SOS2: variants seen among roughly 807,000 people sequenced by gnomAD.
SOS2 encodes son of sevenless homolog 2.
Under a neutral mutation model 148.2 loss-of-function variants are expected in SOS2, and 65 were observed. The observed-to-expected ratio is 0.44, with a 90% CI of 0.36 to 0.54. The LOEUF is 0.54. Ranked by LOEUF, SOS2 falls within the 20% of genes least tolerant of loss-of-function variation. SOS2 has a pLI of 0.00. For missense variants in SOS2, 1,341 were observed against 1,590.2 expected, an observed-to-expected ratio of 0.84 and a Z score of 2.67; for synonymous variants, 539 against 537.1, an observed-to-expected ratio of 1.00 and a Z score of -0.05.
chr14:50,153,012 A>G (rs538303826), intron 13 of SOS2, 58 bp downstream of exon 13: 5 of 816,842 alleles, frequency 6.1e-6, no homozygotes, highest in Non-Finnish European at 9.9e-6. Context: ...AAGTCACACA[A>G]ATTTGAACAT....
At chr14:50,229,082 A>G (rs1017296822) in intron 1 of SOS2, among the ~76,000 whole-genome samples, 4 of 152,190 alleles carry the variant, frequency 2.6e-5, no homozygotes, top group Admixed American at 2.0e-4. Context: ...TGGCTGATGC[A>G]TACCAGAATT....
At chr14:50,157,723 A>T (rs933203554) in intron 11 of SOS2, among the ~76,000 whole-genome samples, 1 of 152,192 alleles carries the variant, frequency 6.6e-6, no homozygotes, top group Non-Finnish European at 1.5e-5. Flanking sequence ...AGTGATAGAG[A>T]TCTAGAATTA....
rs886268693 is a variant in SOS2 at position 50,159,908 on chromosome 14, T to C, written c.1375A>G (p.Ile459Val). The change falls in exon 10 of 23, where the codon ATT (isoleucine) becomes GTT (valine). Residue 459 changes from isoleucine to valine, a missense_variant. Ile to Val is a conservative substitution (Grantham distance 29). This residue lies in a region of SOS2 where 574 missense variants were observed against 711.1 expected (regional missense o/e 0.81). Transcript: ENST00000216373. ...TRIGAKHERH[I>V]FLFDGLMISC... The stretch of plus-strand genomic sequence containing the variant: ...ATCATTAAGCCATCAAACAGAAAAA[T>C]ATGCCGTTCATGTTTGGCACCGATT... 2 of 1,614,110 alleles carry C rather than the reference T, an allele frequency of 1.2e-6. No homozygotes were observed. The highest frequency in any genetic ancestry group is 1.7e-6 in the Non-Finnish European group (2 of 1,180,018).
chr14:50,160,795 T>C (rs964112097), intron 9 of SOS2, among the ~76,000 whole-genome samples: 1 of 151,026 alleles, frequency 6.6e-6, no homozygotes, highest in African/African-American at 2.4e-5. Context: ...AGCCCAGGAG[T>C]TCAAGACCAG....
chr14:50,209,211 T>C (rs1050716606), intron 1 of SOS2, among the ~76,000 whole-genome samples: 1 of 151,582 alleles, frequency 6.6e-6, no homozygotes, highest in African/African-American at 2.4e-5. Context: ...GTCTGCAGCT[T>C]GACAAATGCA....
intron 5 of SOS2, among the ~76,000 whole-genome samples, chr14:50,185,751 G>A (rs943646933): frequency 1.3e-5 from 2 of 151,170 alleles, no homozygotes; most frequent in Admixed American, 6.6e-5. Context: ...CAACATGCCA[G>A]ATGAATGACC....
At chr14:50,146,404 G>A (rs1884473399) in intron 14 of SOS2, among the ~76,000 whole-genome samples, 1 of 152,180 alleles carries the variant, frequency 6.6e-6, no homozygotes, top group African/African-American at 2.4e-5. Context: ...AGCACTTTGG[G>A]AGGCTGAGGC....
In SOS2 at chr14:50,180,513, G is replaced by A. The variant is rs1885696348; in HGVS notation, c.969+59C>T. The A allele has an allele frequency of 4.1e-5, 28 of 683,470 alleles. 2 individuals carry two copies. In the South Asian group the frequency reaches 4.9e-4, roughly 12 times the overall value. The allele number at this position is 683,470 out of a possible 1,614,324, so 42.3% of individuals were successfully genotyped here. The stretch of plus-strand genomic sequence containing the variant: ...ACAAATATTTGAAGGATAAAATAGT[G>A]AGATATTTATTTGCTTTATTAAAAA... On this transcript the variant is annotated intron_variant, in intron 7 of 22. Coordinates refer to ENST00000216373, the MANE Select transcript of SOS2 (RefSeq NM_006939.4).
intron 5 of SOS2, among the ~76,000 whole-genome samples, chr14:50,187,912 C>G (rs191636306): frequency 1.3e-5 from 2 of 152,116 alleles, no homozygotes; most frequent in Admixed American, 6.5e-5. Flanking sequence ...GACCATACAT[C>G]TTTTTCACCA....
chr14:50,191,336 G>A lies in SOS2; in HGVS notation c.511-2636C>T, dbSNP rs145490654. On this transcript the variant is annotated intron_variant, in intron 4 of 22. Coordinates refer to ENST00000216373, the MANE Select transcript of SOS2 (RefSeq NM_006939.4). ...AAAAAAATAATAACCAGGTATGCTGGTAGACACCTGCGGTCCTAACTACTC... is the reference window on the plus strand; with the variant it reads ...AAAAAAATAATAACCAGGTATGCTGATAGACACCTGCGGTCCTAACTACTC... Among the ~76,000 whole-genome samples the A allele has an allele frequency of 4.2e-3, 635 of 152,198 alleles. 2 individuals are homozygous for A. The highest frequency in any genetic ancestry group is 0.014 in the African/African-American group (583 of 41,508).
Position 50,118,183 on chromosome 14 carries a change from T to C in SOS2, c.*161A>G, listed in dbSNP as rs1883354759. The C allele has an allele frequency of 4.6e-6, 3 of 655,612 alleles. No individual in the cohort carries two copies. The highest frequency in any genetic ancestry group is 1.8e-5 in the African/African-American group (1 of 54,858). 40.6% of individuals were successfully genotyped at this position (655,612 alleles called of 1,614,324 possible). On this transcript the variant is annotated 3_prime_UTR_variant, in exon 23 of 23. Coordinates refer to ENST00000216373, the MANE Select transcript of SOS2 (RefSeq NM_006939.4). ...TGAGGATAATGGTGAAGGACTTTTG[T>C]ATTTTTATTTTTCCAATTCTTAAAA...
chr14:50,179,797 A>T (rs1566840229), intron 7 of SOS2, among the ~76,000 whole-genome samples: 1 of 152,114 alleles, frequency 6.6e-6, no homozygotes, highest in Non-Finnish European at 1.5e-5. Flanking sequence ...TTTTCATTTT[A>T]TCTAAGTGTA....
intron 5 of SOS2, among the ~76,000 whole-genome samples, chr14:50,187,345 CTTT>C (rs5808541): frequency 8.7e-6 from 1 of 115,158 alleles, no homozygotes; most frequent in Non-Finnish European, 1.8e-5. Flanking sequence ...ATTATTGTTA[CTTT>C]TTTTTTTTTT....
chr14:50,201,019 A>T lies in SOS2; in HGVS notation c.279T>A (p.Ala93=). The change falls in exon 3 of 23, where the codon GCT becomes GCA. Residue 93 remains alanine, a synonymous_variant. Coordinates refer to ENST00000216373, the MANE Select transcript of SOS2 (RefSeq NM_006939.4). ...DKWAIADAQS[A]IEKRKRRNPL... The stretch of plus-strand genomic sequence containing the variant: ...GATTTCTTCGTTTTCGTTTTTCTAT[A>T]GCAGATTGTGCATCAGCAATGGCCC... 1 of 1,613,952 alleles carries T rather than the reference A, an allele frequency of 6.2e-7. No individual in the cohort carries two copies. The highest frequency in any genetic ancestry group is 8.5e-7 in the Non-Finnish European group (1 of 1,179,870).
chr14:50,227,338 A>G (rs566440375), intron 1 of SOS2, among the ~76,000 whole-genome samples: 7 of 138,036 alleles, frequency 5.1e-5, no homozygotes, highest in Admixed American at 8.0e-5. Flanking sequence ...TCTGCCTCCC[A>G]TGTTCAAGAG....
intron 1 of SOS2, among the ~76,000 whole-genome samples, chr14:50,217,829 G>A (rs1333797184): frequency 1.3e-5 from 2 of 152,006 alleles, no homozygotes; most frequent in Admixed American, 6.6e-5. Context: ...GGTGGCGGGC[G>A]CCTGTAGTCC....
intron 14 of SOS2, among the ~76,000 whole-genome samples, chr14:50,148,994 C>A (rs1363729635): frequency 6.6e-6 from 1 of 152,164 alleles, no homozygotes; most frequent in East Asian, 1.9e-4. Flanking sequence ...CTTAAGTGAC[C>A]TTCCCACCTC....
At position 50,150,111 on chromosome 14, in the gene SOS2, A is replaced by G. The variant is rs745497052; in HGVS notation, c.2281T>C (p.Trp761Arg). The change falls in exon 14 of 23, where the codon TGG becomes CGG. Residue 761 changes from tryptophan (W) to arginine (R), a missense_variant. Trp to Arg is a moderately radical substitution (Grantham distance 101). Around this residue, in one of 4 missense-constraint regions of SOS2, gnomAD observed 408 missense variants for 506.6 expected, o/e 0.81. Coordinates refer to ENST00000216373, the MANE Select transcript of SOS2 (RefSeq NM_006939.4). ...AACTGTCCTGGTTTGCTGATATGCC[A>G]TTCAATTGGTGGAGGTGGACTTTCA... is the stretch of plus-strand genomic sequence containing the variant. ...TFESPPPPIE[W>R]HISKPGQFET... 2 of 1,613,720 alleles carry G rather than the reference A, an allele frequency of 1.2e-6. No individual in the cohort carries two copies. Among genetic ancestry groups the G allele is most frequent in the East Asian group, 4.5e-5 (2 of 44,870 alleles).
chr14:50,192,791 G>T (rs1451020195), intron 4 of SOS2, among the ~76,000 whole-genome samples: 6 of 152,116 alleles, frequency 3.9e-5, no homozygotes. Flanking sequence ...TTGAACCCAG[G>T]AGGCAGAGGT....
Sources: allele counts gnomAD v4.1 joint callset (sites outside exome capture counted in the v4.1 genomes callset), GRCh38; gene constraint gnomAD v4.1.1; regional missense constraint gnomAD v4.1.1; transcripts MANE v1.5; gene names NCBI Gene and HGNC (gene_info 2026-07-23, HGNC 2026-07-21).